The following NEB variants were observed in gnomAD, a reference collection of about 807,000 sequenced individuals.
NEB encodes nebulin, also known as nemaline myopathy type 2.
In NEB, 512 loss-of-function variants were observed where a neutral mutation model predicts 952.2. The ratio of observed to expected loss-of-function variants is 0.54; its 90% CI spans 0.50 to 0.58. The LOEUF (loss-of-function observed/expected upper bound fraction) is 0.58, where lower values mean the gene tolerates loss of function less well. NEB is among the 20% of genes least tolerant of loss of function. NEB has a pLI of 0.00. For missense variants in NEB, 8,428 were observed against 9,231.1 expected (o/e 0.91, Z 3.56); for synonymous variants, 2,900 against 3,149.8 (o/e 0.92, Z 2.66).
chr2:151,494,296 G>A, intron 173 of NEB, 43 bp from the exon 174 acceptor site: 1 of 1,328,142 alleles, frequency 7.5e-7, no homozygotes, highest in East Asian at 2.4e-5. Context: ...AAGAAAAAGA[G>A]TTAACAGTTA....
intron 167 of NEB, 26 bp from the exon 168 acceptor site, chr2:151,501,509 A>C: frequency 1.5e-6 from 2 of 1,367,194 alleles, no homozygotes; most frequent in Non-Finnish European, 2.0e-6. Context: ...CAACAAACAA[A>C]TCAACCTGGA....
At chr2:151,708,391 C>T (rs748802423) in intron 12 of NEB, among the ~76,000 whole-genome samples, 19 of 152,120 alleles carry the variant, frequency 1.2e-4, no homozygotes, top group Non-Finnish European at 2.6e-4. Context: ...TTCAGGTCAC[C>T]AGAGACCAGA....
At chr2:151,625,996 C>T (rs1037473288) in intron 70 of NEB, among the ~76,000 whole-genome samples, 3 of 152,090 alleles carry the variant, frequency 2.0e-5, no homozygotes, top group Non-Finnish European at 2.9e-5. Context: ...ATTAACAAAT[C>T]CTTCCCATGA....
chr2:151,633,582 T>C, intron 65 of NEB, 72 bp downstream of exon 65: 1 of 1,521,390 alleles, frequency 6.6e-7, no homozygotes, highest in South Asian at 1.3e-5. Flanking sequence ...TAATGGATTG[T>C]ATATAAAGGA....
chr2:151,730,744 C>T (rs2099805834), intron 3 of NEB, among the ~76,000 whole-genome samples: 1 of 151,982 alleles, frequency 6.6e-6, no homozygotes, highest in Non-Finnish European at 1.5e-5. Flanking sequence ...CAATGGCCTG[C>T]ATTCTTTTCA....
rs375749306 is a variant in NEB, at chr2:151,727,730, G to A, written c.255C>T (p.Tyr85=). The A allele has an allele frequency of 3.8e-5, 62 of 1,613,536 alleles. No individual in the cohort carries two copies. Among genetic ancestry groups the A allele is most frequent in the South Asian group, 3.2e-4 (29 of 91,090 alleles). ...CCTGCATTTTCTGACTGTGTGCAAT[G>A]TAGGGGGTCATGAACTTTGAAGGAT... ...KVDPSKFMTP[Y]IAHSQKMQDL... Residue 85 remains tyrosine, a synonymous_variant, in exon 5 of 182, where the codon TAC becomes TAT. Coordinates refer to ENST00000397345, the MANE Select transcript of NEB (RefSeq NM_001164508.2).
intron 129 of NEB, 54 bp from the exon 130 acceptor site, chr2:151,549,794 C>G (rs2095151121): frequency 9.7e-7 from 1 of 1,033,606 alleles, no homozygotes; most frequent in Non-Finnish European, 1.5e-6. Flanking sequence ...AGTAACTGAT[C>G]TGAGCTTAAC....
chr2:151,631,460 G>A, intron 65 of NEB, 114 bp from the exon 66 acceptor site: 1 of 1,180,710 alleles, frequency 8.5e-7, no homozygotes, highest in South Asian at 1.6e-5. Context: ...TAGAAAACAA[G>A]CGCGTTGTAT....
chr2:151,680,815 T>C lies in NEB; in HGVS notation c.2957A>G (p.Gln986Arg), dbSNP rs781465553. 1.9e-6 allele frequency: 3 copies of C among 1,612,500 alleles called. No homozygotes were observed. Among genetic ancestry groups the C allele is most frequent in the Middle Eastern group, 1.7e-4 (1 of 6,056 alleles). ...SDILNEKKYR[Q>R]HPDTLKFTSI... ...GGTAAACTTGAGGGTGTCTGGATGT[T>C]GGCGATATTTTTTCTGTTTGGCAAA... Residue 986 changes from glutamine (Q) to arginine (R), a missense_variant, in exon 30 of 182, where the codon CAA (glutamine) becomes CGA (arginine). Around this residue, in one of 11 missense-constraint regions of NEB, gnomAD observed 2,851 missense variants for 2,791.5 expected, o/e 1.02. Coordinates refer to ENST00000397345, the MANE Select transcript of NEB (RefSeq NM_001164508.2).
chr2:151,628,395 T>C lies in NEB; in HGVS notation c.9832-561A>G, dbSNP rs555479550. On this transcript the variant is annotated intron_variant, in intron 68 of 181. Coordinates refer to ENST00000397345, the MANE Select transcript of NEB (RefSeq NM_001164508.2). ...AGCCCTGCTCTGTTGGAGATCAAAT[T>C]TGACTGAGGTTTGTTTGGGATTCCT... Among the ~76,000 whole-genome samples, 5 of 152,280 alleles carry C rather than the reference T, an allele frequency of 3.3e-5. No individual in the cohort carries two copies. In the South Asian group the frequency reaches 1.0e-3, roughly 32 times the overall value.
chr2:151,725,659 C>G (rs1276273765), intron 5 of NEB, 99 bp from the exon 6 acceptor site: 8 of 893,100 alleles, frequency 9.0e-6, no homozygotes, highest in African/African-American at 1.7e-5. Context: ...CAAGTTATAG[C>G]AATTATCAAT....
Position 151,560,662 on chromosome 2 carries a change from G to C in NEB, c.19244C>G (p.Thr6415Ser), listed in dbSNP as rs769687823. 1.2e-6 allele frequency: 2 copies of C among 1,612,292 alleles called. No homozygotes were observed. The highest frequency in any genetic ancestry group is 2.2e-5 in the South Asian group (2 of 90,550). The change falls in exon 124 of 182, where the codon ACC becomes AGC. Residue 6415 changes from threonine to serine, a missense_variant. Physicochemically the swap from Thr to Ser is moderately conservative, Grantham distance 58 (BLOSUM62 1). Transcript: ENST00000397345. The stretch of plus-strand genomic sequence containing the variant: ...GGTGCTGGAAGGCAGGATGTAGCTG[G>C]TGGCTTTCACTCTATCCCAGGCCTC... ...YKEAWDRVKA[T>S]SYILPSSTLS...
At chr2:151,719,904 A>AAAT (rs1173931804) in intron 9 of NEB, among the ~76,000 whole-genome samples, 1 of 151,666 alleles carries the variant, frequency 6.6e-6, no homozygotes, top group Non-Finnish European at 1.5e-5. Context: ...AAAAAAAAAA[A>AAAT]ATACAAACTG....
At position 151,650,755 on chromosome 2, in the gene NEB, T is replaced by C; in HGVS notation, c.7046A>G (p.Asp2349Gly). ...KMQSEREYKK[D>G]FEKWKTKFSS... ...GAACTTAGTTTTCCACTTCTCAAAG[T>C]CCTTCTTGTATTCTCTTTCACTCTG... The change falls in exon 53 of 182, where the codon GAC becomes GGC. Residue 2349 changes from aspartate (D) to glycine (G), a missense_variant. Asp to Gly is a moderately conservative substitution (Grantham distance 94, BLOSUM62 -1). Transcript: ENST00000397345. 1 of 1,613,970 alleles carries C rather than the reference T, an allele frequency of 6.2e-7. No homozygotes were observed. The highest frequency in any genetic ancestry group is 8.5e-7 in the Non-Finnish European group (1 of 1,179,868).
In NEB at chr2:151,568,728, A is replaced by C. The variant is rs1469720553; in HGVS notation, c.17536-12T>G. On this transcript the variant is annotated splice_polypyrimidine_tract_variant and intron_variant, in intron 110 of 181. Coordinates refer to ENST00000397345, the MANE Select transcript of NEB (RefSeq NM_001164508.2). ...GTGCGATATTTTTTCTATGGGAAAGAAAGCATCTTTTAGATAGTTGTAATT... is the reference window on the plus strand; with the variant it reads ...GTGCGATATTTTTTCTATGGGAAAGCAAGCATCTTTTAGATAGTTGTAATT... The C allele has an allele frequency of 1.3e-6, 2 of 1,552,218 alleles. No individual in the cohort carries two copies. The highest frequency in any genetic ancestry group is 1.8e-6 in the Non-Finnish European group (2 of 1,138,690).
intron 12 of NEB, among the ~76,000 whole-genome samples, chr2:151,707,849 C>A (rs1272865291): frequency 6.6e-6 from 1 of 152,210 alleles, no homozygotes; most frequent in African/African-American, 2.4e-5. Context: ...ACAAGGGAAG[C>A]ACAGAGGCAT....
intron 132 of NEB, 44 bp from the exon 133 acceptor site, chr2:151,547,577 A>C: frequency 1.2e-6 from 2 of 1,601,598 alleles, no homozygotes; most frequent in Non-Finnish European, 1.7e-6. Flanking sequence ...TTAGAGACCG[A>C]ATGATTAACA....
At position 151,567,426 on chromosome 2, in the gene NEB, C is replaced by A. The variant is rs376655029; in HGVS notation, c.17898G>T (p.Pro5966=). ...VKQKGHYVGV[P]TMRDDPKLVW... Reference sequence around the variant, plus strand: ...CCAGCTTAGGATCATCTCTCATCGTCGGGACACCAACATAATGACCTTTTT... The same window carrying A: ...CCAGCTTAGGATCATCTCTCATCGTAGGGACACCAACATAATGACCTTTTT... The change falls in exon 114 of 182, where the codon CCG becomes CCT. Residue 5966 remains proline, a synonymous_variant. Transcript: ENST00000397345. 6.2e-7 allele frequency: 1 copy of A among 1,613,404 alleles called. No homozygotes were observed. Among genetic ancestry groups the A allele is most frequent in the Non-Finnish European group, 8.5e-7 (1 of 1,179,710 alleles).
chr2:151,628,041 T>C (rs1192014549), intron 68 of NEB, among the ~76,000 whole-genome samples: 1 of 152,138 alleles, frequency 6.6e-6, no homozygotes, highest in African/African-American at 2.4e-5. Context: ...GTCTCATAAA[T>C]AGTCTAACAG....
Sources: gnomAD v4.1 joint callset for allele counts (sites outside exome capture counted in the v4.1 genomes callset) on GRCh38, gnomAD v4.1.1 for gene constraint, gnomAD v4.1.1 regional missense constraint, MANE v1.5 for transcripts, NCBI Gene and HGNC (gene_info 2026-07-23, HGNC 2026-07-21) for gene names.